The following ALDH1A1 variants were observed in gnomAD, a reference collection of about 807,000 sequenced individuals.
ALDH1A1 encodes aldehyde dehydrogenase 1 family member A1.
A neutral mutation model predicts 62.1 loss-of-function variants in ALDH1A1; 19 were observed. The observed-to-expected ratio is 0.31, with a 90% confidence interval of 0.21 to 0.45. The LOEUF (loss-of-function observed/expected upper bound fraction) is 0.45, where lower values mean the gene tolerates loss of function less well. ALDH1A1 is among the 20% of genes least tolerant of loss of function. The pLI is 1.00. For synonymous variants in ALDH1A1, 231 were observed against 215.9 expected (o/e 1.07, Z -0.61); for missense variants, 521 against 607.1 (o/e 0.86, Z 1.49).
intron 11 of ALDH1A1, among the ~76,000 whole-genome samples, chr9:72,909,152 C>T (rs533111465): frequency 1.1e-3 from 136 of 126,708 alleles, no homozygotes; most frequent in African/African-American, 3.5e-3. Context: ...TCTTCCAATA[C>T]AGCTTTTTTT....
intron 12 of ALDH1A1, among the ~76,000 whole-genome samples, chr9:72,901,831 AG>A (rs1829807337): frequency 3.3e-5 from 5 of 152,106 alleles, no homozygotes; most frequent in African/African-American, 1.2e-4. Flanking sequence ...GTAAGGGGAT[AG>A]AAATTGATCA....
chr9:72,952,497 A>G (rs1320197641), intron 1 of ALDH1A1, among the ~76,000 whole-genome samples: 1 of 152,078 alleles, frequency 6.6e-6, no homozygotes, highest in South Asian at 2.1e-4. Context: ...TCATTTTATT[A>G]AACATATTGG....
At chr9:72,929,139 A>C (rs997598293) in intron 3 of ALDH1A1, 118 bp from the exon 4 acceptor site, 37 of 1,151,418 alleles carry the variant, frequency 3.2e-5, no homozygotes, top group Non-Finnish European at 4.3e-5. Flanking sequence ...AAATCTTGTC[A>C]TCTTGTCTAA....
chr9:72,928,322 G>A (rs957039000), intron 4 of ALDH1A1, among the ~76,000 whole-genome samples: 3 of 151,914 alleles, frequency 2.0e-5, no homozygotes, highest in South Asian at 2.1e-4. Flanking sequence ...TAACACATAC[G>A]TACAGATTCA....
At chr9:72,933,602 A>C (rs867462750) in intron 2 of ALDH1A1, among the ~76,000 whole-genome samples, 1 of 105,014 alleles carries the variant, frequency 9.5e-6, no homozygotes, top group African/African-American at 3.5e-5. Flanking sequence ...CAAAAAAAAA[A>C]AAAAAAAAAA....
chr9:72,936,709 A>T (rs1830351100), intron 2 of ALDH1A1, among the ~76,000 whole-genome samples: 1 of 152,166 alleles, frequency 6.6e-6, no homozygotes, highest in South Asian at 2.1e-4. Context: ...GCCAGGGATG[A>T]TCAGTATTTC....
At chr9:72,934,141 A>G (rs1830319519) in intron 2 of ALDH1A1, among the ~76,000 whole-genome samples, 1 of 152,092 alleles carries the variant, frequency 6.6e-6, no homozygotes, top group Non-Finnish European at 1.5e-5. Flanking sequence ...AAGCTGGTCT[A>G]AAATTCCTGG....
At chr9:72,902,892 T>G (rs926692802) in intron 12 of ALDH1A1, among the ~76,000 whole-genome samples, 1 of 151,868 alleles carries the variant, frequency 6.6e-6, no homozygotes, top group African/African-American at 2.4e-5. Context: ...AGGTCTCGAG[T>G]GAAGCCTGAG....
chr9:72,943,770 T>A (rs1319339531), intron 1 of ALDH1A1, among the ~76,000 whole-genome samples: 2 of 152,120 alleles, frequency 1.3e-5, no homozygotes, highest in African/African-American at 2.4e-5. Context: ...AGCCATGGCC[T>A]CTGCTCTCAG....
intron 2 of ALDH1A1, among the ~76,000 whole-genome samples, chr9:72,933,376 T>A (rs1369365618): frequency 6.6e-6 from 1 of 152,072 alleles, no homozygotes; most frequent in East Asian, 1.9e-4. Context: ...TTATAAACCA[T>A]GAAATATGTT....
At chr9:72,935,951 T>C (rs1004200233) in intron 2 of ALDH1A1, among the ~76,000 whole-genome samples, 3 of 152,206 alleles carry the variant, frequency 2.0e-5, no homozygotes, top group African/African-American at 7.2e-5. Context: ...CAATAATTAT[T>C]TAAAAATATG....
rs533538919 is a variant in ALDH1A1 at position 72,930,695 on chromosome 9, T to C, written c.312+184A>G. ...GAGCAGAAATTAACATCATCCAGAATTGAAATGCAGATTACTATTTGAGAA... is the reference window on the plus strand; with the variant it reads ...GAGCAGAAATTAACATCATCCAGAACTGAAATGCAGATTACTATTTGAGAA... On this transcript the variant is annotated intron_variant, in intron 3 of 12. Coordinates refer to ENST00000297785, the MANE Select transcript of ALDH1A1 (RefSeq NM_000689.5). Among the ~76,000 whole-genome samples, 5 of 152,308 alleles carry C rather than the reference T, an allele frequency of 3.3e-5. No homozygotes were observed. In the East Asian group the frequency reaches 9.6e-4, roughly 29 times the overall value.
In ALDH1A1 at chr9:72,939,031, CT is replaced by C. The variant is rs569379430; in HGVS notation, c.171+1116del. ...GTGCTGGGATTACAGGTGAGAGCCA[CT>C]GCGCCCGGCCAACCCTATCTTACTT... On this transcript the variant is annotated intron_variant, in intron 2 of 12. Coordinates refer to ENST00000297785, the MANE Select transcript of ALDH1A1 (RefSeq NM_000689.5). 3.2e-3 allele frequency among the ~76,000 whole-genome samples: 484 copies of C among 152,308 alleles called. 2 individuals are homozygous for C. Among genetic ancestry groups the C allele is most frequent in the African/African-American group, 0.011 (464 of 41,570 alleles).
chr9:72,923,944 A>G, intron 7 of ALDH1A1, 75 bp downstream of exon 7: 1 of 1,027,304 alleles, frequency 9.7e-7, no homozygotes, highest in East Asian at 2.6e-5. Flanking sequence ...TTGGCTCAAA[A>G]ATAGTTACAT....
At chr9:72,950,755 A>G (rs901348689) in intron 1 of ALDH1A1, among the ~76,000 whole-genome samples, 7 of 151,894 alleles carry the variant, frequency 4.6e-5, no homozygotes, top group Non-Finnish European at 8.8e-5. Flanking sequence ...ACAGAAAAAT[A>G]ACACAAGACT....
Position 72,909,775 on chromosome 9 carries a change from T to C in ALDH1A1, c.1201-16A>G, listed in dbSNP as rs8187978. 29,032 of 1,577,328 alleles carry C rather than the reference T, an allele frequency of 0.018. 2,040 individuals carry two copies. The African/African-American group carries it at 0.22, about 12-fold the overall frequency. On this transcript the variant is annotated splice_polypyrimidine_tract_variant and intron_variant, in intron 10 of 12. Transcript: ENST00000297785. ...GTCCAAAAATCTATACCACAAGAAATAAATAAGTAAAAATAATAGGTTAAA... is the reference window on the plus strand; with the variant it reads ...GTCCAAAAATCTATACCACAAGAAACAAATAAGTAAAAATAATAGGTTAAA...
In ALDH1A1 at chr9:72,927,640, C is replaced by T. The variant is rs556620421; in HGVS notation, c.443-463G>A. 7.6e-4 allele frequency among the ~76,000 whole-genome samples: 116 copies of T among 152,160 alleles called. 1 individual carries two copies. The highest frequency in any genetic ancestry group is 7.4e-3 in the Admixed American group (113 of 15,280). On this transcript the variant is annotated intron_variant, in intron 4 of 12. Coordinates refer to ENST00000297785, the MANE Select transcript of ALDH1A1 (RefSeq NM_000689.5). ...CCACATTCCAATTTGTTTCTGGTAG[C>T]TCAAAGTTCTACCAATAAGAGAATT...
chr9:72,908,464 GA>G (rs1564622151), intron 11 of ALDH1A1, among the ~76,000 whole-genome samples: 5 of 62,522 alleles, frequency 8.0e-5, no homozygotes, highest in African/African-American at 1.2e-4. Flanking sequence ...AAAAAAAGAA[GA>G]AAGAAAAGAA....
chr9:72,933,592 CAAAAAAAAAAA>C (rs60011646), intron 2 of ALDH1A1, among the ~76,000 whole-genome samples: 28 of 111,728 alleles, frequency 2.5e-4, no homozygotes, highest in South Asian at 7.9e-4. Flanking sequence ...CATCTCAAAA[CAAAAAAAAAAA>C]AAAAAAAAAA....
Sources: allele counts gnomAD v4.1 joint callset (sites outside exome capture counted in the v4.1 genomes callset), GRCh38; gene constraint gnomAD v4.1.1; transcripts MANE v1.5; gene names NCBI Gene and HGNC (gene_info 2026-07-23, HGNC 2026-07-21).